Variants in CEP112 observed in about 807,000 individuals in gnomAD.
The protein encoded by CEP112 is centrosomal protein of 112 kDa.
A neutral mutation model predicts 153.0 loss-of-function variants in CEP112; 127 were observed. The ratio of observed to expected loss-of-function variants is 0.83; its 90% confidence interval spans 0.72 to 0.96. The LOEUF (loss-of-function observed/expected upper bound fraction) is 0.96. Among genes scored for constraint, CEP112 ranks in the 40% least tolerant of loss-of-function variants. The pLI, the probability that CEP112 is intolerant of heterozygous loss-of-function variation, is 0.00. For missense variants in CEP112, 1,089 were observed against 1,101.2 expected, an observed-to-expected ratio of 0.99 and a Z score of 0.16; for synonymous variants, 358 against 374.4, an observed-to-expected ratio of 0.96 and a Z score of 0.51.
intron 4 of CEP112, among the ~76,000 whole-genome samples, chr17:66,133,061 AAC>A (rs1214406638): frequency 6.6e-6 from 1 of 152,106 alleles, no homozygotes; most frequent in African/African-American, 2.4e-5. Context: ...AACAACAAAA[AAC>A]ACACAAAAAA....
chr17:66,107,525 C>A (rs2068836826), intron 6 of CEP112, among the ~76,000 whole-genome samples: 1 of 151,882 alleles, frequency 6.6e-6, no homozygotes, highest in African/African-American at 2.4e-5. Flanking sequence ...AAGAAATCAA[C>A]AAATTAATTC....
chr17:66,011,216 C>G (rs2145511819), intron 16 of CEP112, among the ~76,000 whole-genome samples: 1 of 152,136 alleles, frequency 6.6e-6, no homozygotes, highest in South Asian at 2.1e-4. Flanking sequence ...TTTCGCATCT[C>G]AATTTCCTTC....
At chr17:66,149,973 A>C (rs1327921007) in intron 4 of CEP112, among the ~76,000 whole-genome samples, 1 of 127,682 alleles carries the variant, frequency 7.8e-6, no homozygotes, top group Admixed American at 9.7e-5. Context: ...AGCTCACTGC[A>C]ACCTCTGCCT....
chr17:66,059,699 G>C (rs764880117), intron 11 of CEP112, among the ~76,000 whole-genome samples: 1 of 152,180 alleles, frequency 6.6e-6, no homozygotes, highest in Non-Finnish European at 1.5e-5. Context: ...TACTGTTAGT[G>C]GGAACGTAAA....
At chr17:65,844,790 C>T (rs1026267546) in intron 21 of CEP112, among the ~76,000 whole-genome samples, 9 of 150,882 alleles carry the variant, frequency 6.0e-5, no homozygotes, top group African/African-American at 9.7e-5. Flanking sequence ...TCGAGGTGGG[C>T]GGATCACGAG....
intron 4 of CEP112, among the ~76,000 whole-genome samples, chr17:66,170,817 G>C (rs1009203852): frequency 6.6e-6 from 1 of 151,904 alleles, no homozygotes; most frequent in African/African-American, 2.4e-5. Context: ...TAAAAATGCA[G>C]TAACAGATAT....
At chr17:65,876,354 G>C (rs752430420) in intron 20 of CEP112, among the ~76,000 whole-genome samples, 2 of 152,128 alleles carry the variant, frequency 1.3e-5, no homozygotes, top group Non-Finnish European at 2.9e-5. Context: ...CTTATGTATA[G>C]AAGTCTGACT....
At chr17:66,185,013 T>G (rs1324874784) in intron 1 of CEP112, among the ~76,000 whole-genome samples, 1 of 152,126 alleles carries the variant, frequency 6.6e-6, no homozygotes, top group Non-Finnish European at 1.5e-5. Flanking sequence ...TTGTGTGACA[T>G]TCTAGAAAAG....
chr17:66,027,689 G>A, intron 15 of CEP112, 129 bp from the exon 16 acceptor site: 1 of 653,648 alleles, frequency 1.5e-6, no homozygotes, highest in Non-Finnish European at 2.2e-6. Flanking sequence ...ATATGATTAA[G>A]TAAGCCCTAC....
At chr17:65,734,646 A>G (rs1481626745) in intron 23 of CEP112, among the ~76,000 whole-genome samples, 2 of 152,222 alleles carry the variant, frequency 1.3e-5, no homozygotes, top group African/African-American at 4.8e-5. Context: ...CTGATTTGAT[A>G]GAAGGCAGCT....
rs553110235 is a variant in CEP112, at chr17:65,804,035, C to T, written c.2394+47769G>A. Among the ~76,000 whole-genome samples the T allele has an allele frequency of 2.6e-5, 4 of 152,214 alleles. No homozygotes were observed. The East Asian group carries it at 7.7e-4, about 29-fold the overall frequency. On this transcript the variant is annotated intron_variant, in intron 21 of 26. Coordinates refer to ENST00000535342, the MANE Select transcript of CEP112 (RefSeq NM_001199165.4). The stretch of plus-strand genomic sequence containing the variant: ...GGATTACATTTCTTTAGAACAGATC[C>T]TTATTTAACATAGATAAAAGAAACA...
chr17:65,713,950 C>T (rs920986035), intron 23 of CEP112, among the ~76,000 whole-genome samples: 1 of 152,090 alleles, frequency 6.6e-6, no homozygotes, highest in African/African-American at 2.4e-5. Context: ...CCAAAGCCAC[C>T]TCTTCTCTCT....
At chr17:65,821,516 ATATATATATATATATATATATATATTT>A (rs2056556510) in intron 21 of CEP112, among the ~76,000 whole-genome samples, 1 of 29,024 alleles carries the variant, frequency 3.4e-5, no homozygotes, top group African/African-American at 1.5e-4. Flanking sequence ...ATATATAATT[ATATATATATATATATATATATATATTT>A]TTTTTTTTTT....
intron 4 of CEP112, among the ~76,000 whole-genome samples, chr17:66,147,864 A>G (rs2070989894): frequency 6.6e-6 from 1 of 152,172 alleles, no homozygotes; most frequent in South Asian, 2.1e-4. Flanking sequence ...ATTGGTCTAT[A>G]TATTTGTCTT....
At chr17:65,814,833 C>T (rs2056179769) in intron 21 of CEP112, among the ~76,000 whole-genome samples, 1 of 152,180 alleles carries the variant, frequency 6.6e-6, no homozygotes, top group Admixed American at 6.5e-5. Context: ...TCAGTTACCA[C>T]AGTCTATCTT....
chr17:65,883,340 G>GTA (rs2059155768), intron 20 of CEP112, among the ~76,000 whole-genome samples: 1 of 151,232 alleles, frequency 6.6e-6, no homozygotes, highest in Non-Finnish European at 1.5e-5. Context: ...TATATATGAT[G>GTA]TATATGTGTG....
Position 65,785,114 on chromosome 17 carries a change from T to C in CEP112, c.2395-34390A>G, listed in dbSNP as rs558678675. Among the ~76,000 whole-genome samples, 172 of 152,322 alleles carry C rather than the reference T, an allele frequency of 1.1e-3. 1 individual carries two copies. The highest frequency in any genetic ancestry group is 6.8e-3 in the Middle Eastern group (2 of 294). On this transcript the variant is annotated intron_variant, in intron 21 of 26. Transcript: ENST00000535342. ...CCTTTCATGACCAGATTCTTTCACT[T>C]AGCATGTTTCCAATGTTCATCTATG...
chr17:66,097,048 C>T lies in CEP112; in HGVS notation c.643-416G>A, dbSNP rs1382863684. 2.6e-5 allele frequency among the ~76,000 whole-genome samples: 4 copies of T among 152,302 alleles called. No individual in the cohort carries two copies. In the South Asian group the frequency reaches 6.2e-4, roughly 24 times the overall value. ...TTTGTTCTTACAGTCGCAATTTAAT[C>T]ACTGCACTCCCAGATGTATTTGGTA... is the stretch of plus-strand genomic sequence containing the variant. On this transcript the variant is annotated intron_variant, in intron 6 of 26. Transcript: ENST00000535342.
intron 23 of CEP112, among the ~76,000 whole-genome samples, chr17:65,705,181 A>G (rs1433344042): frequency 6.6e-6 from 1 of 152,254 alleles, no homozygotes; most frequent in East Asian, 1.9e-4. Context: ...TGCAAGGGAC[A>G]TGGAAATTTC....
Sources: gnomAD v4.1 joint callset for allele counts (sites outside exome capture counted in the v4.1 genomes callset) on GRCh38, gnomAD v4.1.1 for gene constraint, MANE v1.5 for transcripts, NCBI Gene and HGNC (gene_info 2026-07-23, HGNC 2026-07-21) for gene names.